Variants in LRRC69 observed in about 807,000 individuals in gnomAD.
LRRC69 encodes leucine-rich repeat-containing protein 69.
Under a neutral mutation model 37.8 loss-of-function variants are expected in LRRC69, and 42 were observed. The ratio of observed to expected loss-of-function variants is 1.11; its 90% CI spans 0.87 to 1.44. The LOEUF (loss-of-function observed/expected upper bound fraction) is 1.44, where lower values mean the gene tolerates loss of function less well. Ranked by LOEUF, LRRC69 falls within the 40% of genes most tolerant of loss-of-function variation. The probability of loss-of-function intolerance (pLI) is 0.00; values close to 1 mark genes in which losing one functional copy is unlikely to be tolerated. For synonymous variants in LRRC69, 141 were observed against 143.1 expected (o/e 0.99, Z 0.11); for missense variants, 357 against 401.9 (o/e 0.89, Z 0.96).
intron 6 of LRRC69, among the ~76,000 whole-genome samples, chr8:91,196,250 C>T (rs952666755): frequency 7.2e-5 from 11 of 151,896 alleles, no homozygotes; most frequent in South Asian, 4.1e-4. Context: ...GAGGGTAACC[C>T]GACCTTTCTC....
chr8:91,181,841 G>A (rs2130599508), intron 5 of LRRC69, among the ~76,000 whole-genome samples: 1 of 152,222 alleles, frequency 6.6e-6, no homozygotes, highest in Non-Finnish European at 1.5e-5. Flanking sequence ...AAGTTCAAGG[G>A]ATGTAACTAG....
At chr8:91,147,458 C>G (rs551116350) in intron 5 of LRRC69, among the ~76,000 whole-genome samples, 1 of 150,960 alleles carries the variant, frequency 6.6e-6, no homozygotes, top group Non-Finnish European at 1.5e-5. Context: ...TTGTTTGAGA[C>G]GAGGTCTCAC....
intron 5 of LRRC69, among the ~76,000 whole-genome samples, chr8:91,150,413 C>G (rs368923737): frequency 2.0e-5 from 3 of 152,124 alleles, no homozygotes; most frequent in African/African-American, 7.2e-5. Flanking sequence ...ATTGAACCAG[C>G]CTTGCATCCC....
At chr8:91,209,596 T>C (rs1475825529) in intron 7 of LRRC69, 1 of 152,218 alleles carries the variant, frequency 6.6e-6, no homozygotes, top group Non-Finnish European at 1.5e-5. Flanking sequence ...AAGAAAAATT[T>C]TGAAAATGGG....
At chr8:91,179,542 T>A (rs945777878) in intron 5 of LRRC69, among the ~76,000 whole-genome samples, 1 of 152,234 alleles carries the variant, frequency 6.6e-6, no homozygotes. Flanking sequence ...TCATAACATA[T>A]AAAATATAAT....
intron 2 of LRRC69, among the ~76,000 whole-genome samples, chr8:91,125,739 GTTGCCT>G (rs770391126): frequency 4.6e-5 from 7 of 151,530 alleles, no homozygotes; most frequent in Non-Finnish European, 1.0e-4. Context: ...TTTGTATCAT[GTTGCCT>G]TTAAATTTGA....
At chr8:91,192,589 A>G (rs569078235) in intron 6 of LRRC69, among the ~76,000 whole-genome samples, 1 of 151,988 alleles carries the variant, frequency 6.6e-6, no homozygotes, top group East Asian at 1.9e-4. Flanking sequence ...CATTTCTCTG[A>G]TGGCCAGTGA....
At chr8:91,135,005 AAAAC>A (rs1813884452) in intron 4 of LRRC69, among the ~76,000 whole-genome samples, 1 of 152,098 alleles carries the variant, frequency 6.6e-6, no homozygotes, top group Admixed American at 6.6e-5. Context: ...CATGGCAGCA[AAAAC>A]AAACAAATGA....
chr8:91,102,879 T>C (rs949589435), intron 1 of LRRC69, 35 bp downstream of exon 1: 14 of 1,506,162 alleles, frequency 9.3e-6, no homozygotes, highest in Admixed American at 4.7e-5. Context: ...TGGTTTGGTA[T>C]TGAAGATGGA....
intron 7 of LRRC69, among the ~76,000 whole-genome samples, chr8:91,202,538 G>C (rs1298227275): frequency 1.3e-5 from 2 of 152,188 alleles, no homozygotes; most frequent in Non-Finnish European, 2.9e-5. Flanking sequence ...CAAAGGTAAA[G>C]AAGGTCAGGT....
In LRRC69 at chr8:91,189,626, G is replaced by T. The variant is rs1420396442; in HGVS notation, c.753+3G>T. 6.5e-7 allele frequency: 1 copy of T among 1,532,860 alleles called. No homozygotes were observed. The highest frequency in any genetic ancestry group is 2.0e-5 in the Admixed American group (1 of 49,010). 95.0% of individuals were successfully genotyped at this position (1,532,860 alleles called of 1,614,324 possible). ...AGGAGAACGTCTGGAGTCTACAGGT[G>T]AAGACTTACCTCATTAACTTAAGTC... On this transcript the variant is annotated splice_donor_region_variant and intron_variant, in intron 6 of 7. Transcript: ENST00000448384.
chr8:91,172,171 A>C (rs1184198560), intron 5 of LRRC69, among the ~76,000 whole-genome samples: 1 of 151,922 alleles, frequency 6.6e-6, no homozygotes, highest in Non-Finnish European at 1.5e-5. Flanking sequence ...ATTTTTTGAC[A>C]GGTAGGATTC....
chr8:91,198,710 C>T (rs1809662671), intron 6 of LRRC69, among the ~76,000 whole-genome samples: 1 of 151,906 alleles, frequency 6.6e-6, no homozygotes, highest in Non-Finnish European at 1.5e-5. Flanking sequence ...TTTTTATAGA[C>T]CACTTTGGTC....
intron 5 of LRRC69, among the ~76,000 whole-genome samples, chr8:91,174,967 G>A (rs746249179): frequency 6.6e-6 from 1 of 151,978 alleles, no homozygotes; most frequent in Admixed American, 6.6e-5. Context: ...GAGAAGTAGA[G>A]TTTGACATTT....
At chr8:91,213,778 A>C (rs1446336334) in intron 7 of LRRC69, among the ~76,000 whole-genome samples, 1 of 152,180 alleles carries the variant, frequency 6.6e-6, no homozygotes, top group Non-Finnish European at 1.5e-5. Flanking sequence ...TGGAGAAGAA[A>C]GTAAACAGAA....
intron 1 of LRRC69, 90 bp from the exon 2 acceptor site, chr8:91,124,403 A>G (rs1326620895): frequency 1.0e-6 from 1 of 993,574 alleles, no homozygotes; most frequent in Non-Finnish European, 1.4e-6. Context: ...CTTAGGTTAC[A>G]TAGATGTGAG....
intron 7 of LRRC69, among the ~76,000 whole-genome samples, chr8:91,212,093 A>G (rs1027944672): frequency 6.6e-6 from 1 of 152,170 alleles, no homozygotes; most frequent in Non-Finnish European, 1.5e-5. Flanking sequence ...AGTCCTTAGC[A>G]ATTACAAAAT....
At chr8:91,201,719 G>T (rs895634668) in intron 7 of LRRC69, among the ~76,000 whole-genome samples, 1 of 151,602 alleles carries the variant, frequency 6.6e-6, no homozygotes, top group Non-Finnish European at 1.5e-5. Flanking sequence ...ATAATATTGG[G>T]GGATAATTTT....
intron 6 of LRRC69, among the ~76,000 whole-genome samples, chr8:91,190,539 G>C (rs1466063275): frequency 6.6e-6 from 1 of 152,010 alleles, no homozygotes; most frequent in Admixed American, 6.6e-5. Flanking sequence ...TGTAATTAAA[G>C]ATGAGTTCAA....
Sources: gnomAD v4.1 joint callset for allele counts (sites outside exome capture counted in the v4.1 genomes callset) on GRCh38, gnomAD v4.1.1 for gene constraint, MANE v1.5 for transcripts, NCBI Gene and HGNC (gene_info 2026-07-23, HGNC 2026-07-21) for gene names.